Variants in TEX11 observed in about 807,000 individuals in gnomAD.
The protein encoded by TEX11 is testis-expressed protein 11.
Under a neutral mutation model 84.4 loss-of-function variants are expected in TEX11, and 7 were observed. That is an observed-to-expected ratio of 0.08 (90% CI 0.05 to 0.16). TEX11 has a LOEUF of 0.16. Among genes scored for constraint, TEX11 ranks in the 10% least tolerant of loss-of-function variants. The probability of loss-of-function intolerance (pLI) is 1.00; values close to 1 mark genes in which losing one functional copy is unlikely to be tolerated. For synonymous variants in TEX11, 264 were observed against 222.8 expected (o/e 1.18, Z -1.64); for missense variants, 551 against 660.5 (o/e 0.83, Z 1.82).
chrX:70,850,286 A>T (rs1479503130), intron 7 of TEX11, among the ~76,000 whole-genome samples: 1 of 112,155 alleles, frequency 8.9e-6, no homozygotes, highest in Non-Finnish European at 1.9e-5. Flanking sequence ...CAACCCAGTG[A>T]TTTTAAAATG....
intron 13 of TEX11, among the ~76,000 whole-genome samples, chrX:70,709,750 G>A (rs1390032430): frequency 2.7e-5 from 3 of 110,703 alleles, no homozygotes; most frequent in African/African-American, 9.8e-5. Context: ...AACAATATCA[G>A]GCTTTATGCA....
chrX:70,529,335 T>C (rs1219662936), intron 29 of TEX11, 148 bp from the exon 30 acceptor site: 2 of 445,826 alleles, frequency 4.5e-6, no homozygotes, highest in Admixed American at 4.1e-5. Context: ...CAGTCCTCTC[T>C]TGAGGAAAAG....
At chrX:70,732,593 A>G (rs2090662197) in intron 11 of TEX11, among the ~76,000 whole-genome samples, 1 of 111,794 alleles carries the variant, frequency 8.9e-6, no homozygotes, top group South Asian at 3.7e-4. Flanking sequence ...CCAACTTACA[A>G]AAGACATGAA....
At chrX:70,524,991 T>C (rs192524340), downstream of TEX11, among the ~76,000 whole-genome samples, 734 of 111,280 alleles carry the variant, frequency 6.6e-3, 5 homozygotes, top group African/African-American at 0.023. Flanking sequence ...CTGGACAACA[T>C]AGTGAGACCT....
chrX:70,553,430 G>A lies in TEX11; in HGVS notation c.2291-16C>T, dbSNP rs1407081830. 1.8e-6 allele frequency: 2 copies of A among 1,112,372 alleles called. No individual in the cohort carries two copies. Among genetic ancestry groups the A allele is most frequent in the Admixed American group, 2.4e-5 (1 of 40,936 alleles). 91.7% of individuals were successfully genotyped at this position (1,112,372 alleles called of 1,213,427 possible). A position where few individuals can be genotyped will look rare whatever the true frequency, so the allele number is the denominator to read the frequency against. On this transcript the variant is annotated splice_polypyrimidine_tract_variant and intron_variant, in intron 26 of 29. Transcript: ENST00000374333. ...ATTGCTATTACTAGAGTAAGAAAAGGAAAAAGGTTGTGAACATGATAATGT... is the reference window on the plus strand; with the variant it reads ...ATTGCTATTACTAGAGTAAGAAAAGAAAAAAGGTTGTGAACATGATAATGT...
At chrX:70,576,804 T>C (rs1370652924) in intron 25 of TEX11, among the ~76,000 whole-genome samples, 1 of 111,943 alleles carries the variant, frequency 8.9e-6, no homozygotes, top group Non-Finnish European at 1.9e-5. Flanking sequence ...AAAAATAGAA[T>C]CAGAAAAAGT....
At chrX:70,852,441 C>T (rs1040503810) in intron 7 of TEX11, among the ~76,000 whole-genome samples, 1 of 112,156 alleles carries the variant, frequency 8.9e-6, no homozygotes, top group Non-Finnish European at 1.9e-5. Context: ...CTTTCCGCTT[C>T]AGGCTCCCAA....
In TEX11 at chrX:70,625,396, C is replaced by A. The variant is rs780129657; in HGVS notation, c.1609-472G>T. 9.9e-5 allele frequency among the ~76,000 whole-genome samples: 11 copies of A among 111,098 alleles called. No homozygotes were observed. The South Asian group carries it at 3.9e-3, about 39-fold the overall frequency. On this transcript the variant is annotated intron_variant, in intron 18 of 29. Coordinates refer to ENST00000374333, the MANE Select transcript of TEX11 (RefSeq NM_031276.3). ...CTTTCAGCAAAATCTCCTCTACCAG[C>A]AACCTCTTCCCTAAAAGTTTCCTCC... is the stretch of plus-strand genomic sequence containing the variant.
chrX:70,529,208 T>C, intron 29 of TEX11, 21 bp from the exon 30 acceptor site: 1 of 1,149,721 alleles, frequency 8.7e-7, no homozygotes, highest in Non-Finnish European at 1.2e-6. Flanking sequence ...GAACAACAAA[T>C]AGATTTCTTG....
chrX:70,744,234 G>GAAAA lies in TEX11; in HGVS notation c.693-19_693-16dup, dbSNP rs5902674. ...CATAGCTTTGGCTATCATTAAAAAG[G>GAAAA]AAAAAAAATATATATATATATATAA... On this transcript the variant is annotated splice_polypyrimidine_tract_variant and intron_variant, in intron 9 of 29. Transcript: ENST00000374333. The GAAAA allele has an allele frequency of 2.4e-5, 16 of 662,799 alleles. No homozygotes were observed. In the East Asian group the frequency reaches 9.2e-4, roughly 38 times the overall value. 54.6% of individuals were successfully genotyped at this position (662,799 alleles called of 1,213,427 possible).
At chrX:70,777,058 T>TTTC (rs1264680573) in intron 9 of TEX11, among the ~76,000 whole-genome samples, 7 of 107,810 alleles carry the variant, frequency 6.5e-5, no homozygotes, top group African/African-American at 2.3e-4. Flanking sequence ...TTTTTTTTTT[T>TTTC]GTAGAGAGGA....
chrX:70,848,589 C>G (rs1299103893), intron 7 of TEX11, among the ~76,000 whole-genome samples: 1 of 111,322 alleles, frequency 9.0e-6, no homozygotes, highest in Non-Finnish European at 1.9e-5. Flanking sequence ...GCAAAAAGAT[C>G]AGAAAGGAAT....
At chrX:70,823,026 G>C (rs918708795) in intron 8 of TEX11, among the ~76,000 whole-genome samples, 1 of 107,205 alleles carries the variant, frequency 9.3e-6, no homozygotes, top group Non-Finnish European at 1.9e-5. Context: ...GTTGGGGGGT[G>C]GGGGGCGGGT....
chrX:70,607,143 G>A (rs1192544573), intron 22 of TEX11, 114 bp from the exon 23 acceptor site: 1 of 496,379 alleles, frequency 2.0e-6, no homozygotes, highest in Non-Finnish European at 3.1e-6. Flanking sequence ...ACTAGTAAGG[G>A]GTTTCTCAAG....
intron 9 of TEX11, among the ~76,000 whole-genome samples, chrX:70,793,531 A>C (rs2091137538): frequency 9.1e-6 from 1 of 110,327 alleles, no homozygotes; most frequent in South Asian, 3.9e-4. Context: ...TCCCACCCTC[A>C]CTCTCTTTCT....
chrX:70,587,670 G>C (rs973295996), intron 25 of TEX11, among the ~76,000 whole-genome samples: 3 of 112,190 alleles, frequency 2.7e-5, no homozygotes, highest in African/African-American at 6.5e-5. Flanking sequence ...TGTGGGGTTG[G>C]AGCCCCCACA....
intron 17 of TEX11, among the ~76,000 whole-genome samples, chrX:70,633,942 C>T (rs866991542): frequency 5.4e-5 from 6 of 110,897 alleles, no homozygotes; most frequent in South Asian, 7.6e-4. Context: ...AACAAACAAA[C>T]AAAACAAAAC....
At chrX:70,800,312 G>A (rs944931086) in intron 9 of TEX11, among the ~76,000 whole-genome samples, 4 of 110,455 alleles carry the variant, frequency 3.6e-5, no homozygotes, top group African/African-American at 1.3e-4. Context: ...ATACCTGGGT[G>A]ATGAAATAAT....
rs2089201414 is a variant in TEX11, at chrX:70,606,939, A to G, written c.1950+20T>C. The G allele has an allele frequency of 1.8e-6, 2 of 1,096,186 alleles. No individual in the cohort carries two copies. The highest frequency in any genetic ancestry group is 4.1e-5 in the South Asian group (2 of 49,108). 90.3% of individuals were successfully genotyped at this position (1,096,186 alleles called of 1,213,427 possible). On this transcript the variant is annotated intron_variant, in intron 23 of 29. Transcript: ENST00000374333. The stretch of plus-strand genomic sequence containing the variant: ...CCTTGTTGTGGTCCATACATGAGAT[A>G]CTTATTAAAAGAAACTTACCTTATA...
Sources: gnomAD v4.1 joint callset for allele counts (sites outside exome capture counted in the v4.1 genomes callset) on GRCh38, gnomAD v4.1.1 for gene constraint, MANE v1.5 for transcripts, NCBI Gene and HGNC (gene_info 2026-07-23, HGNC 2026-07-21) for gene names.